TRIT1: variants seen among roughly 807,000 people sequenced by gnomAD.
The protein encoded by TRIT1 is tRNA dimethylallyltransferase.
In TRIT1, 43 loss-of-function variants were observed where a neutral mutation model predicts 51.2. The ratio of observed to expected loss-of-function variants is 0.84; its 90% CI spans 0.66 to 1.08. The LOEUF is 1.08. Ranked by LOEUF, TRIT1 falls within the 50% of genes least tolerant of loss-of-function variation. The pLI, the probability that TRIT1 is intolerant of heterozygous loss-of-function variation, is 0.00. For synonymous variants in TRIT1, 184 were observed against 203.9 expected (o/e 0.90, Z 0.83); for missense variants, 528 against 578.4 (o/e 0.91, Z 0.89).
intron 8 of TRIT1, among the ~76,000 whole-genome samples, chr1:39,845,558 A>C (rs1285365367): frequency 1.3e-5 from 2 of 152,248 alleles, no homozygotes; most frequent in Non-Finnish European, 2.9e-5. Context: ...TGCACCTGCT[A>C]CCACAGGAAA....
intron 1 of TRIT1, among the ~76,000 whole-genome samples, chr1:39,869,398 C>T (rs1450804766): frequency 4.6e-5 from 7 of 152,246 alleles, no homozygotes; most frequent in Non-Finnish European, 8.8e-5. Context: ...GTCTTGCTCA[C>T]TCAGTGCTCA....
intron 1 of TRIT1, among the ~76,000 whole-genome samples, chr1:39,860,639 A>G (rs1183092041): frequency 6.6e-6 from 1 of 152,230 alleles, no homozygotes; most frequent in African/African-American, 2.4e-5. Context: ...GCATTGCAAC[A>G]ATAGGGAAAG....
At chr1:39,860,192 A>G (rs1643154702) in intron 1 of TRIT1, among the ~76,000 whole-genome samples, 1 of 152,240 alleles carries the variant, frequency 6.6e-6, no homozygotes, top group Non-Finnish European at 1.5e-5. Context: ...CATAGTTAAC[A>G]AAAACTGTAA....
At chr1:39,874,077 T>C (rs1238112580) in intron 1 of TRIT1, among the ~76,000 whole-genome samples, 1 of 152,102 alleles carries the variant, frequency 6.6e-6, no homozygotes, top group Non-Finnish European at 1.5e-5. Context: ...AAACCTGTAA[T>C]CTCAGCTACT....
chr1:39,882,698 C>T (rs1312570140), intron 1 of TRIT1, among the ~76,000 whole-genome samples: 1 of 152,234 alleles, frequency 6.6e-6, no homozygotes, highest in Non-Finnish European at 1.5e-5. Context: ...GCTCATGATC[C>T]CATTTATTAA....
At chr1:39,877,375 G>A (rs1644105887) in intron 1 of TRIT1, among the ~76,000 whole-genome samples, 1 of 149,670 alleles carries the variant, frequency 6.7e-6, no homozygotes, top group Non-Finnish European at 1.5e-5. Flanking sequence ...ACATCTATTG[G>A]ATGACGAGAT....
At chr1:39,854,701 CCT>C (rs1400906644) in intron 2 of TRIT1, among the ~76,000 whole-genome samples, 2 of 152,164 alleles carry the variant, frequency 1.3e-5, no homozygotes, top group Non-Finnish European at 2.9e-5. Flanking sequence ...ATAGAAATCC[CCT>C]ATCACAATGC....
intron 1 of TRIT1, among the ~76,000 whole-genome samples, chr1:39,864,709 C>T (rs6686137): frequency 1.3e-5 from 2 of 151,868 alleles, no homozygotes; most frequent in South Asian, 2.1e-4. Flanking sequence ...CAGTTTTTTA[C>T]GTGTACAGCC....
In TRIT1 at chr1:39,854,050, G is replaced by A. The variant is rs756728965; in HGVS notation, c.334C>T (p.Arg112Ter). 31 of 1,606,652 alleles carry A rather than the reference G, an allele frequency of 1.9e-5. No individual in the cohort carries two copies. The highest frequency in any genetic ancestry group is 6.8e-5 in the Admixed American group (4 of 59,152). The change falls in exon 3 of 11, where the codon CGA becomes TGA. Residue 112 changes from arginine to a stop codon, truncating the protein, a stop_gained. Transcript: ENST00000316891. LOFTEE classifies it high-confidence loss of function. ...ATALIEDIFA[R>*]DKIPIVVGGT... is the part of the protein sequence containing the mutation. ...CCCACAACAATAGGAATTTTGTCTCGGGCAAATATATCTTCAATGTGAACA... is the reference window on the plus strand; with the variant it reads ...CCCACAACAATAGGAATTTTGTCTCAGGCAAATATATCTTCAATGTGAACA...
intron 7 of TRIT1, 21 bp from the exon 8 acceptor site, chr1:39,847,318 A>G: frequency 6.2e-7 from 1 of 1,610,518 alleles, no homozygotes. Flanking sequence ...CAGTAGATTT[A>G]AGAACATCTA....
Position 39,845,511 on chromosome 1 carries a change from C to T in TRIT1, c.1007-871G>A, listed in dbSNP as rs74069780. ...GCAGGTGCTGGCCTTTTGATTGTGC[C>T]AACCCCAAATAAGATTCTTCATAAA... On this transcript the variant is annotated intron_variant, in intron 8 of 10. Transcript: ENST00000316891. Among the ~76,000 whole-genome samples, 449 of 152,346 alleles carry T rather than the reference C, an allele frequency of 2.9e-3. 4 individuals are homozygous for T. The highest frequency in any genetic ancestry group is 0.01 in the African/African-American group (436 of 41,586).
rs1642873647 is a variant in TRIT1 at position 39,855,984 on chromosome 1, C to G, written c.315+1293G>C. Among the ~76,000 whole-genome samples the G allele has an allele frequency of 2.6e-5, 4 of 151,624 alleles. No homozygotes were observed. The South Asian group carries it at 8.3e-4, about 32-fold the overall frequency. On this transcript the variant is annotated intron_variant, in intron 2 of 10. Coordinates refer to ENST00000316891, the MANE Select transcript of TRIT1 (RefSeq NM_017646.6). Reference sequence around the variant, plus strand: ...CTTGAGCCCAGGGGTTCAAGACCAGCTTGTCAACATAGCAAAATCCATCTC... The same window carrying G: ...CTTGAGCCCAGGGGTTCAAGACCAGGTTGTCAACATAGCAAAATCCATCTC...
intron 1 of TRIT1, among the ~76,000 whole-genome samples, chr1:39,862,403 A>C (rs1433340693): frequency 1.3e-5 from 2 of 151,810 alleles, no homozygotes; most frequent in African/African-American, 4.8e-5. Flanking sequence ...TTTCAAAATT[A>C]TTAAGAGCTG....
rs993880328 is a variant in TRIT1 at position 39,840,671 on chromosome 1, T to G, written c.*1073A>C. On this transcript the variant is annotated 3_prime_UTR_variant, in exon 11 of 11. Transcript: ENST00000316891. ...AGTTAACGCTTAAAGGGCACAAAGT[T>G]TGTTTGGAGTGACAAAAACGTTTTG... is the stretch of plus-strand genomic sequence containing the variant. Among the ~76,000 whole-genome samples the G allele has an allele frequency of 6.6e-6, 1 of 152,216 alleles. No homozygotes were observed. The highest frequency in any genetic ancestry group is 1.5e-5 in the Non-Finnish European group (1 of 68,034).
Position 39,848,081 on chromosome 1 carries a change from CA to C in TRIT1, c.719del (p.Leu240TrpfsTer17). On this transcript the variant is annotated frameshift_variant, in exon 6 of 11. Transcript: ENST00000316891. LOFTEE classifies it high-confidence loss of function. ...CAAGCATGTCATCCACCCTCTTATCCAAGCGCTCATCTAGAACTTGAATCAA... is the reference window on the plus strand; with the variant it reads ...CAAGCATGTCATCCACCCTCTTATCCAGCGCTCATCTAGAACTTGAATCAA... ...HADQAVLDER[L>X]DKRVDDMLAA... 6.2e-7 allele frequency: 1 copy of C among 1,614,120 alleles called. No homozygotes were observed. Among genetic ancestry groups the C allele is most frequent in the Admixed American group, 1.7e-5 (1 of 60,018 alleles).
chr1:39,859,659 C>G (rs1643128637), intron 1 of TRIT1, among the ~76,000 whole-genome samples: 1 of 151,780 alleles, frequency 6.6e-6, no homozygotes, highest in Non-Finnish European at 1.5e-5. Context: ...TTATTCCTCT[C>G]TCTCTCTCTT....
chr1:39,854,107 C>T, intron 2 of TRIT1, 39 bp from the exon 3 acceptor site: 2 of 1,445,514 alleles, frequency 1.4e-6, no homozygotes, highest in Non-Finnish European at 9.6e-7. Context: ...CAAGAGAATC[C>T]TGACTCACTT....
At chr1:39,841,991 A>AATTAACT in intron 10 of TRIT1, 78 bp from the exon 11 acceptor site, 1 of 1,452,058 alleles carries the variant, frequency 6.9e-7, no homozygotes, top group Non-Finnish European at 9.3e-7. Context: ...AAGCAAGTAA[A>AATTAACT]ATTAACTATA....
intron 2 of TRIT1, among the ~76,000 whole-genome samples, chr1:39,855,091 A>G (rs547373048): frequency 3.8e-4 from 58 of 152,196 alleles, no homozygotes; most frequent in Non-Finnish European, 7.2e-4. Context: ...AGCTCAAGCA[A>G]TCCATCCACT....
Sources: allele counts gnomAD v4.1 joint callset (sites outside exome capture counted in the v4.1 genomes callset), GRCh38; gene constraint gnomAD v4.1.1; transcripts MANE v1.5; gene names NCBI Gene and HGNC (gene_info 2026-07-23, HGNC 2026-07-21).